Variants in POLR3G observed in about 807,000 individuals in gnomAD.
POLR3G encodes RNA polymerase III subunit G, also known as DNA-directed RNA polymerase III subunit RPC7.
A neutral mutation model predicts 30.1 loss-of-function variants in POLR3G; 28 were observed. That is an observed-to-expected ratio of 0.93 (90% CI 0.69 to 1.27). The LOEUF is 1.27. Ranked by LOEUF, POLR3G falls within the 50% of genes most tolerant of loss-of-function variation. POLR3G has a pLI of 0.00. For missense variants in POLR3G, 254 were observed against 264.6 expected, an observed-to-expected ratio of 0.96 and a Z score of 0.28; for synonymous variants, 79 against 82.5, an observed-to-expected ratio of 0.96 and a Z score of 0.23.
chr5:90,494,205 G>A (rs1751874986), intron 3 of POLR3G, among the ~76,000 whole-genome samples: 1 of 152,094 alleles, frequency 6.6e-6, no homozygotes, highest in Admixed American at 6.5e-5. Flanking sequence ...ATGTTTTCAA[G>A]GTTCATTCAT....
intron 6 of POLR3G, among the ~76,000 whole-genome samples, chr5:90,504,434 C>T (rs1482908304): frequency 2.6e-5 from 4 of 151,916 alleles, no homozygotes; most frequent in South Asian, 2.1e-4. Flanking sequence ...TGGTAGCAGG[C>T]GCCTGTAGTC....
intron 5 of POLR3G, among the ~76,000 whole-genome samples, chr5:90,500,578 A>G (rs977921606): frequency 8.5e-5 from 13 of 152,142 alleles, no homozygotes; most frequent in African/African-American, 2.7e-4. Flanking sequence ...GTTACAGTTC[A>G]TATTAAACAG....
intron 1 of POLR3G, among the ~76,000 whole-genome samples, chr5:90,479,527 G>A (rs1751018219): frequency 1.3e-5 from 2 of 151,980 alleles, no homozygotes; most frequent in African/African-American, 2.4e-5. Flanking sequence ...CCTCCCCTTT[G>A]GAAAAGATCA....
chr5:90,486,971 A>G (rs1409383548), intron 2 of POLR3G, among the ~76,000 whole-genome samples: 1 of 152,174 alleles, frequency 6.6e-6, no homozygotes, highest in African/African-American at 2.4e-5. Flanking sequence ...CCTTATCTTT[A>G]TCCTCTGAAA....
chr5:90,482,321 G>A (rs1561247262), intron 1 of POLR3G, among the ~76,000 whole-genome samples: 2 of 152,130 alleles, frequency 1.3e-5, no homozygotes, highest in Non-Finnish European at 2.9e-5. Flanking sequence ...TCATTCTTGG[G>A]CGTGAAACCA....
At chr5:90,485,504 G>A (rs1170150132) in intron 1 of POLR3G, 21 bp from the exon 2 acceptor site, 3 of 1,127,490 alleles carry the variant, frequency 2.7e-6, no homozygotes, top group Non-Finnish European at 2.6e-6. Context: ...ATGTGATCCA[G>A]TAAATCGTAA....
intron 3 of POLR3G, chr5:90,490,598 G>T: frequency 5.1e-6 from 2 of 392,216 alleles, no homozygotes; most frequent in South Asian, 3.6e-5. Context: ...TGTAGAGACG[G>T]GAGTCTTGCT....
rs183656818 is a variant in POLR3G at position 90,512,135 on chromosome 5, A to T, written c.668A>T (p.Tyr223Phe). The change falls in exon 8 of 8, where the codon TAT becomes TTT. Residue 223 changes from tyrosine to phenylalanine, a missense_variant. Transcript: ENST00000651687. ...GATGACAACATGGATGAGGCAACCT[A>T]TTAGGCATGAAATTTTTCAAAAAAT... The part of the protein sequence containing the change: ...DSDDNMDEAT[Y>F] 6.3e-7 allele frequency: 1 copy of T among 1,587,038 alleles called. No homozygotes were observed. The highest frequency in any genetic ancestry group is 8.6e-7 in the Non-Finnish European group (1 of 1,156,724).
intron 1 of POLR3G, among the ~76,000 whole-genome samples, chr5:90,484,553 TA>T (rs1192525874): frequency 6.6e-6 from 1 of 152,184 alleles, no homozygotes; most frequent in African/African-American, 2.4e-5. Context: ...AGGGTAACAT[TA>T]ATGACCAGGC....
rs767052173 is a variant in POLR3G, at chr5:90,488,081, A to G, written c.199A>G (p.Thr67Ala). Residue 67 changes from threonine (T) to alanine (A), a missense_variant, in exon 3 of 8, where the codon ACA becomes GCA. Transcript: ENST00000651687. ...GGCTTTGAAACAGGAGTTGAGAGAAACAATGAAAAGAATGCCTTATTTTAT... is the reference window on the plus strand; with the variant it reads ...GGCTTTGAAACAGGAGTTGAGAGAAGCAATGAAAAGAATGCCTTATTTTAT... ...MLALKQELRE[T>A]MKRMPYFIET... 2.5e-5 allele frequency: 41 copies of G among 1,611,860 alleles called. No individual in the cohort carries two copies. The East Asian group carries it at 9.2e-4, about 36-fold the overall frequency.
intron 6 of POLR3G, among the ~76,000 whole-genome samples, chr5:90,505,609 T>G (rs1752446177): frequency 6.6e-6 from 1 of 152,212 alleles, no homozygotes; most frequent in South Asian, 2.1e-4. Context: ...GAATTCCTAA[T>G]AATTGCTAGT....
intron 1 of POLR3G, among the ~76,000 whole-genome samples, chr5:90,478,994 C>T (rs1174822128): frequency 1.4e-5 from 1 of 70,346 alleles, no homozygotes; most frequent in Non-Finnish European, 3.5e-5. Flanking sequence ...GCAGCCAGGT[C>T]CCACTCAAAG....
chr5:90,500,246 A>G (rs1752183659), intron 5 of POLR3G, among the ~76,000 whole-genome samples: 1 of 152,190 alleles, frequency 6.6e-6, no homozygotes, highest in Non-Finnish European at 1.5e-5. Context: ...TTTACATGGA[A>G]GTAAACAGTA....
At chr5:90,510,154 G>A (rs1282445634) in intron 7 of POLR3G, among the ~76,000 whole-genome samples, 3 of 152,144 alleles carry the variant, frequency 2.0e-5, no homozygotes, top group Non-Finnish European at 4.4e-5. Flanking sequence ...GACAATGTCT[G>A]CTTGCACTGA....
intron 5 of POLR3G, among the ~76,000 whole-genome samples, chr5:90,499,792 G>A (rs1033041575): frequency 1.3e-5 from 2 of 151,504 alleles, no homozygotes; most frequent in Admixed American, 6.6e-5. Flanking sequence ...TTAAGGCAGA[G>A]TATTTTTATT....
intron 1 of POLR3G, among the ~76,000 whole-genome samples, chr5:90,476,447 A>G (rs1172833847): frequency 6.6e-6 from 1 of 152,238 alleles, no homozygotes; most frequent in African/African-American, 2.4e-5. Context: ...TTCAGTAAGA[A>G]TACAGGTGGA....
chr5:90,475,815 G>C (rs941823526), intron 1 of POLR3G, among the ~76,000 whole-genome samples: 2 of 152,144 alleles, frequency 1.3e-5, no homozygotes, highest in Non-Finnish European at 2.9e-5. Context: ...GGGTTCTAGC[G>C]ATTCTCCTGC....
chr5:90,512,073 A>G lies in POLR3G; in HGVS notation c.606A>G (p.Ser202=). 5.6e-6 allele frequency: 9 copies of G among 1,604,442 alleles called. No individual in the cohort carries two copies. Among genetic ancestry groups the G allele is most frequent in the Non-Finnish European group, 7.7e-6 (9 of 1,171,386 alleles). ...EQEEENDYIN[S]YFEDGDDFGA... ...CTTAGGAAAATGACTACATTAATTC[A>G]TACTTTGAAGATGGAGATGATTTTG... Residue 202 remains serine (S), a synonymous_variant, in exon 8 of 8, where the codon TCA becomes TCG. Coordinates refer to ENST00000651687, the MANE Select transcript of POLR3G (RefSeq NM_006467.3).
At chr5:90,493,578 C>G (rs888338065) in intron 3 of POLR3G, among the ~76,000 whole-genome samples, 1 of 149,622 alleles carries the variant, frequency 6.7e-6, no homozygotes, top group Non-Finnish European at 1.5e-5. Flanking sequence ...AACAGCTTTA[C>G]TGAGACATAA....
Sources: allele counts gnomAD v4.1 joint callset (sites outside exome capture counted in the v4.1 genomes callset), GRCh38; gene constraint gnomAD v4.1.1; transcripts MANE v1.5; gene names NCBI Gene and HGNC (gene_info 2026-07-23, HGNC 2026-07-21).